Variants in CDH20 observed in about 807,000 individuals in gnomAD.
CDH20 encodes cadherin-20.
Under a neutral mutation model 74.2 loss-of-function variants are expected in CDH20, and 29 were observed. The ratio of observed to expected loss-of-function variants is 0.39; its 90% CI spans 0.29 to 0.53. The LOEUF (loss-of-function observed/expected upper bound fraction) is 0.53, where lower values mean the gene tolerates loss of function less well. Ranked by LOEUF, CDH20 falls within the 20% of genes least tolerant of loss-of-function variation. The pLI is 0.69. For missense variants in CDH20, 988 were observed against 1,048.3 expected (o/e 0.94, Z 0.79); for synonymous variants, 469 against 405.4 (o/e 1.16, Z -1.88).
intron 7 of CDH20, among the ~76,000 whole-genome samples, chr18:61,535,966 T>C (rs1190564587): frequency 6.6e-6 from 1 of 152,174 alleles, no homozygotes; most frequent in Non-Finnish European, 1.5e-5. Context: ...TACATTACCA[T>C]TATTGTATTT....
intron 1 of CDH20, among the ~76,000 whole-genome samples, chr18:61,460,267 G>C (rs994668769): frequency 1.3e-5 from 2 of 152,100 alleles, no homozygotes; most frequent in Admixed American, 6.5e-5. Context: ...ATAAATACAA[G>C]TGACCTTGAT....
At chr18:61,404,973 T>G in intron 1 of CDH20, 1 of 710,554 alleles carries the variant, frequency 1.4e-6, no homozygotes, top group Non-Finnish European at 2.6e-6. Context: ...CAGTTCAATA[T>G]TATTGCCACT....
intron 1 of CDH20, among the ~76,000 whole-genome samples, chr18:61,341,163 G>A (rs1398002160): frequency 2.6e-5 from 4 of 152,160 alleles, no homozygotes; most frequent in African/African-American, 4.8e-5. Context: ...AGGCTGAAAT[G>A]ACAAAATCCC....
chr18:61,535,350 A>G (rs1218335305), intron 7 of CDH20, among the ~76,000 whole-genome samples: 2 of 152,150 alleles, frequency 1.3e-5, no homozygotes, highest in African/African-American at 4.8e-5. Context: ...AAAAATGATA[A>G]AAATTACTTG....
chr18:61,545,151 A>AGGTGGATGGTTGGCT lies in CDH20; in HGVS notation c.1648+8_1648+22dup. Reference sequence around the variant, plus strand: ...ACCATAAGGGACAACCAAGGTAATCAGGTGGATGGTTGGCTATCTGTGCTT... The same window carrying AGGTGGATGGTTGGCT: ...ACCATAAGGGACAACCAAGGTAATCAGGTGGATGGTTGGCTGGTGGATGGTTGGCTATCTGTGCTT... On this transcript the variant is annotated splice_region_variant and intron_variant, in intron 10 of 11. Coordinates refer to ENST00000262717, the MANE Select transcript of CDH20 (RefSeq NM_031891.4). The AGGTGGATGGTTGGCT allele has an allele frequency of 6.4e-7, 1 of 1,568,404 alleles. No individual in the cohort carries two copies. The highest frequency in any genetic ancestry group is 8.8e-7 in the Non-Finnish European group (1 of 1,138,254).
At chr18:61,525,065 A>G (rs1599146159) in intron 6 of CDH20, among the ~76,000 whole-genome samples, 2 of 141,744 alleles carry the variant, frequency 1.4e-5, no homozygotes, top group African/African-American at 5.1e-5. Context: ...CAGAACATAC[A>G]TGAATCAGTG....
At position 61,339,681 on chromosome 18, in the gene CDH20, A is replaced by ATTTTTTTTTTTTTT. The variant is rs898945778; in HGVS notation, c.-153+5865_-153+5878dup. Among the ~76,000 whole-genome samples, 24 of 88,416 alleles carry ATTTTTTTTTTTTTT rather than the reference A, an allele frequency of 2.7e-4. 1 individual carries two copies. Among genetic ancestry groups the ATTTTTTTTTTTTTT allele is most frequent in the Admixed American group, 1.1e-3 (7 of 6,362 alleles). The allele number at this position is 88,416 out of a possible 152,430, so 58.0% of individuals were successfully genotyped here. A position where few individuals can be genotyped will look rare whatever the true frequency, so the allele number is the denominator to read the frequency against. Reference sequence around the variant, plus strand: ...ATGGATACATCTGATGGTCATAGAAATTTTTTTTTTTTTTTTTTTTTTTTG... The same window carrying ATTTTTTTTTTTTTT: ...ATGGATACATCTGATGGTCATAGAAATTTTTTTTTTTTTTTTTTTTTTTTTTTTTTTTTTTTTTG... On this transcript the variant is annotated intron_variant, in intron 1 of 11. Transcript: ENST00000262717.
intron 4 of CDH20, among the ~76,000 whole-genome samples, chr18:61,501,876 T>C (rs1599130170): frequency 2.6e-5 from 4 of 152,192 alleles, no homozygotes; most frequent in African/African-American, 9.7e-5. Context: ...TTAGATTATT[T>C]TGACAGCTCC....
chr18:61,455,293 T>C (rs1909535338), intron 1 of CDH20, among the ~76,000 whole-genome samples: 2 of 152,144 alleles, frequency 1.3e-5, no homozygotes, highest in African/African-American at 4.8e-5. Flanking sequence ...TAAACAGATA[T>C]TAGTGAGAAA....
chr18:61,480,791 TTTACA>T (rs1284157835), intron 1 of CDH20, among the ~76,000 whole-genome samples: 2 of 152,244 alleles, frequency 1.3e-5, no homozygotes, highest in African/African-American at 2.4e-5. Context: ...ATGCTTTAAC[TTTACA>T]TTACAAGTGA....
intron 2 of CDH20, among the ~76,000 whole-genome samples, chr18:61,494,280 G>A (rs1405123037): frequency 1.3e-5 from 2 of 152,160 alleles, no homozygotes; most frequent in Admixed American, 1.3e-4. Context: ...GTTTAGGTGG[G>A]ATCAGGAATC....
intron 5 of CDH20, among the ~76,000 whole-genome samples, chr18:61,506,252 A>T (rs1312521022): frequency 2.0e-5 from 3 of 152,232 alleles, no homozygotes; most frequent in African/African-American, 7.2e-5. Flanking sequence ...AGCAAAGTGT[A>T]ATCCATCAAC....
At chr18:61,429,030 AT>A (rs1383924745) in intron 1 of CDH20, among the ~76,000 whole-genome samples, 1 of 152,108 alleles carries the variant, frequency 6.6e-6, no homozygotes, top group East Asian at 1.9e-4. Context: ...CCTGTGACAT[AT>A]CTTAGGGAAC....
At chr18:61,445,946 C>T (rs1909185569) in intron 1 of CDH20, among the ~76,000 whole-genome samples, 1 of 152,048 alleles carries the variant, frequency 6.6e-6, no homozygotes, top group African/African-American at 2.4e-5. Flanking sequence ...GGCTGAGGGT[C>T]CCAGGCTTAA....
chr18:61,344,106 T>C (rs1354550266), intron 1 of CDH20, among the ~76,000 whole-genome samples: 1 of 152,198 alleles, frequency 6.6e-6, no homozygotes, highest in Non-Finnish European at 1.5e-5. Context: ...CTGTGTAATT[T>C]TGTTAAGAAA....
intron 1 of CDH20, among the ~76,000 whole-genome samples, chr18:61,383,474 G>T (rs1345145746): frequency 6.6e-6 from 1 of 152,122 alleles, no homozygotes; most frequent in East Asian, 1.9e-4. Context: ...CCAGCTACTT[G>T]GTAGACCAAG....
At chr18:61,339,390 CAT>C (rs919153487) in intron 1 of CDH20, among the ~76,000 whole-genome samples, 8 of 147,366 alleles carry the variant, frequency 5.4e-5, no homozygotes, top group East Asian at 2.0e-4. Flanking sequence ...CACACACACA[CAT>C]ATATATTGCA....
intron 1 of CDH20, among the ~76,000 whole-genome samples, chr18:61,387,674 G>T (rs1268920857): frequency 1.3e-5 from 2 of 152,130 alleles, no homozygotes; most frequent in Non-Finnish European, 2.9e-5. Flanking sequence ...ACAGAATTGT[G>T]TGTGTATACA....
At position 61,503,015 on chromosome 18, in the gene CDH20, A is replaced by T; in HGVS notation, c.724A>T (p.Ile242Phe). The T allele has an allele frequency of 6.2e-7, 1 of 1,613,966 alleles. No individual in the cohort carries two copies. Among genetic ancestry groups the T allele is most frequent in the Non-Finnish European group, 8.5e-7 (1 of 1,179,812 alleles). ...AGCCAAAGAATACTACGAAGTGATT[A>T]TCCAAGCCAAGGACATGGGAGGGCA... ...REAKEYYEVI[I>F]QAKDMGGQLG... Residue 242 changes from isoleucine (I) to phenylalanine (F), a missense_variant, in exon 5 of 12, where the codon ATC becomes TTC. This residue lies in a region of CDH20 where 613 missense variants were observed against 755.2 expected (regional missense o/e 0.81). Coordinates refer to ENST00000262717, the MANE Select transcript of CDH20 (RefSeq NM_031891.4).
Sources: allele counts gnomAD v4.1 joint callset (sites outside exome capture counted in the v4.1 genomes callset), GRCh38; gene constraint gnomAD v4.1.1; regional missense constraint gnomAD v4.1.1; transcripts MANE v1.5; gene names NCBI Gene and HGNC (gene_info 2026-07-23, HGNC 2026-07-21).